The following DPP6 variants were observed in gnomAD, a reference collection of about 807,000 sequenced individuals.
DPP6 encodes dipeptidyl peptidase like 6.
A neutral mutation model predicts 122.6 loss-of-function variants in DPP6; 69 were observed. That is an observed-to-expected ratio of 0.56 (90% CI 0.46 to 0.69). The LOEUF (loss-of-function observed/expected upper bound fraction) is 0.69. Among genes scored for constraint, DPP6 ranks in the 30% least tolerant of loss-of-function variants. The pLI, the probability that DPP6 is intolerant of heterozygous loss-of-function variation, is 0.00. For missense variants in DPP6, 928 were observed against 1,116.9 expected (o/e 0.83, Z 2.41); for synonymous variants, 418 against 433.1 (o/e 0.97, Z 0.43).
At chr7:154,669,211 T>TA (rs1344162973) in intron 6 of DPP6, 149 bp from the exon 7 acceptor site, 20 of 1,214,496 alleles carry the variant, frequency 1.6e-5, no homozygotes, top group Middle Eastern at 2.5e-4. Context: ...ATGAGACATA[T>TA]TACTTAGTAA....
intron 1 of DPP6, among the ~76,000 whole-genome samples, chr7:153,989,559 C>T (rs1180051128): frequency 6.6e-6 from 1 of 151,654 alleles, no homozygotes; most frequent in African/African-American, 2.4e-5. Flanking sequence ...GCTTCCTTGC[C>T]AACGTGTGCG....
In DPP6 at chr7:154,412,842, G is replaced by A. The variant is rs902962745; in HGVS notation, c.244-33372G>A. Among the ~76,000 whole-genome samples the A allele has an allele frequency of 2.6e-5, 4 of 152,210 alleles. No homozygotes were observed. The East Asian group carries it at 5.8e-4, about 22-fold the overall frequency. On this transcript the variant is annotated intron_variant, in intron 1 of 25. Coordinates refer to ENST00000377770, the MANE Select transcript of DPP6 (RefSeq NM_130797.4). ...GTGGCAGGTGAGTGCTTGTGCATGG[G>A]CACACAAGGCAGATGCCTGGGTGTT...
At chr7:154,738,430 T>C (rs1034986971) in intron 8 of DPP6, among the ~76,000 whole-genome samples, 16 of 152,348 alleles carry the variant, frequency 1.1e-4, no homozygotes, top group African/African-American at 3.6e-4. Context: ...TAATGTTGTA[T>C]CTGATTACAT....
At chr7:154,351,260 A>G (rs1025199869) in intron 1 of DPP6, among the ~76,000 whole-genome samples, 2 of 152,144 alleles carry the variant, frequency 1.3e-5, no homozygotes, top group Non-Finnish European at 2.9e-5. Context: ...GGCTCCACAG[A>G]GAGGGATCCA....
chr7:154,412,287 C>T (rs906823976), intron 1 of DPP6, among the ~76,000 whole-genome samples: 17 of 152,152 alleles, frequency 1.1e-4, no homozygotes, highest in Non-Finnish European at 2.4e-4. Context: ...GGCTGCAAGT[C>T]CAAAGCCAGG....
At chr7:154,773,724 G>C (rs192954059) in intron 10 of DPP6, among the ~76,000 whole-genome samples, 3 of 152,276 alleles carry the variant, frequency 2.0e-5, no homozygotes, top group Admixed American at 2.0e-4. Flanking sequence ...GCTCAGCAAA[G>C]ACCCAACCCA....
rs1290263699 is a variant in DPP6, at chr7:154,794,136, G to C, written c.1194G>C (p.Trp398Cys). 6.2e-7 allele frequency: 1 copy of C among 1,613,354 alleles called. No individual in the cohort carries two copies. The highest frequency in any genetic ancestry group is 1.3e-5 in the African/African-American group (1 of 74,912). Residue 398 changes from tryptophan (W) to cysteine (C), a missense_variant, in exon 11 of 26, where the codon TGG (tryptophan) becomes TGC (cysteine). Physicochemically the swap from Trp to Cys is radical, Grantham distance 215 (BLOSUM62 -2). Coordinates refer to ENST00000377770, the MANE Select transcript of DPP6 (RefSeq NM_130797.4). Reference sequence around the variant, plus strand: ...CCAGCACCAAGGTCGCCGTGACCTGGCTGAACCGGGCGCAGAACGTGTCCA... The same window carrying C: ...CCAGCACCAAGGTCGCCGTGACCTGCCTGAACCGGGCGCAGAACGTGTCCA... Reference protein sequence around the residue: ...WATSTKVAVTWLNRAQNVSIL... With the variant: ...WATSTKVAVTCLNRAQNVSIL...
rs540097093 is a variant in DPP6, at chr7:154,176,887, G to C, written c.243+123824G>C. On this transcript the variant is annotated intron_variant, in intron 1 of 25. Transcript: ENST00000377770. ...GACAGGGCCTCAGTCTGTCGCCCAG[G>C]TTACAGTGTGATCCTGGCTCACTGC... Among the ~76,000 whole-genome samples the C allele has an allele frequency of 4.4e-4, 67 of 152,124 alleles. 1 individual carries two copies. Among genetic ancestry groups the C allele is most frequent in the African/African-American group, 1.6e-3 (66 of 41,472 alleles).
chr7:154,336,204 C>T (rs1309605278), intron 1 of DPP6, among the ~76,000 whole-genome samples: 2 of 152,146 alleles, frequency 1.3e-5, no homozygotes, highest in Admixed American at 6.5e-5. Context: ...CCCACATGGT[C>T]ATAATACAGA....
chr7:154,543,379 G>A (rs1828886754), intron 4 of DPP6, among the ~76,000 whole-genome samples: 1 of 152,134 alleles, frequency 6.6e-6, no homozygotes, highest in Admixed American at 6.5e-5. Context: ...GCTGGTCACT[G>A]CAAGGTACCA....
intron 1 of DPP6, among the ~76,000 whole-genome samples, chr7:153,949,725 G>A (rs987494068): frequency 1.3e-5 from 2 of 152,222 alleles, no homozygotes; most frequent in Non-Finnish European, 2.9e-5. Flanking sequence ...TGGAAGAACC[G>A]AGTTTACTGT....
At chr7:154,653,188 G>A (rs566711529) in intron 6 of DPP6, among the ~76,000 whole-genome samples, 63 of 152,308 alleles carry the variant, frequency 4.1e-4, no homozygotes, top group Non-Finnish European at 6.9e-4. Context: ...TAAGGTAAAA[G>A]CTTTAAGAAG....
intron 5 of DPP6, among the ~76,000 whole-genome samples, chr7:154,592,745 T>C (rs1301405969): frequency 6.6e-6 from 1 of 152,090 alleles, no homozygotes; most frequent in East Asian, 1.9e-4. Flanking sequence ...CTACAGTGCA[T>C]GATGTCCAGG....
At chr7:154,497,405 T>C (rs969762921) in intron 3 of DPP6, among the ~76,000 whole-genome samples, 10 of 152,008 alleles carry the variant, frequency 6.6e-5, no homozygotes, top group African/African-American at 2.2e-4. Flanking sequence ...GTCAGGAGTT[T>C]GAAACCAGCC....
intron 1 of DPP6, among the ~76,000 whole-genome samples, chr7:154,443,267 T>C (rs1416784185): frequency 2.0e-5 from 3 of 152,194 alleles, no homozygotes; most frequent in African/African-American, 7.2e-5. Flanking sequence ...CAGAGCTCCA[T>C]TGTCCTGCTT....
intron 1 of DPP6, among the ~76,000 whole-genome samples, chr7:154,148,875 C>T (rs1170904947): frequency 1.3e-5 from 2 of 152,088 alleles, no homozygotes; most frequent in African/African-American, 4.8e-5. Flanking sequence ...CCATGTGGGT[C>T]AATATAAGGA....
chr7:153,980,297 T>C (rs577265948), intron 1 of DPP6, among the ~76,000 whole-genome samples: 3 of 152,312 alleles, frequency 2.0e-5, no homozygotes, highest in Admixed American at 6.5e-5. Flanking sequence ...TCCAGGAATT[T>C]ATCCATTTCT....
At chr7:153,867,357 G>A in the DPP6 span, among the ~76,000 whole-genome samples, 231 of 152,224 alleles carry the variant, frequency 1.5e-3, no homozygotes, top group African/African-American at 4.8e-3. Context: ...CCTTGAAGAG[G>A]TCCTTCATAT....
chr7:154,660,403 G>C (rs77267169), intron 6 of DPP6, among the ~76,000 whole-genome samples: 9 of 145,354 alleles, frequency 6.2e-5, no homozygotes, highest in East Asian at 2.0e-4. Context: ...CGTATTGGCC[G>C]TAGTGTTCAT....
Sources: allele counts gnomAD v4.1 joint callset (sites outside exome capture counted in the v4.1 genomes callset), GRCh38; gene constraint gnomAD v4.1.1; transcripts MANE v1.5; gene names NCBI Gene and HGNC (gene_info 2026-07-23, HGNC 2026-07-21).